Variants in OLFML2A observed in about 807,000 individuals in gnomAD.
The protein encoded by OLFML2A is olfactomedin-like protein 2A.
OLFML2A carries 47 observed loss-of-function variants against 60.9 expected under a neutral mutation model. That is an observed-to-expected ratio of 0.77 (90% CI 0.61 to 0.98). The LOEUF is 0.98. Ranked by LOEUF, OLFML2A falls within the 50% of genes least tolerant of loss-of-function variation. The probability of loss-of-function intolerance (pLI) is 0.00; values close to 1 mark genes in which losing one functional copy is unlikely to be tolerated. For synonymous variants in OLFML2A, 372 were observed against 375.0 expected, an observed-to-expected ratio of 0.99 and a Z score of 0.09; for missense variants, 922 against 879.8, an observed-to-expected ratio of 1.05 and a Z score of -0.61.
At chr9:124,800,461 G>T (rs189680946) in intron 4 of OLFML2A, among the ~76,000 whole-genome samples, 1 of 152,376 alleles carries the variant, frequency 6.6e-6, no homozygotes, top group African/African-American at 2.4e-5. Context: ...ATGGAGAGAG[G>T]TCACATGGAG....
At chr9:124,783,868 G>A (rs1841407372) in intron 1 of OLFML2A, among the ~76,000 whole-genome samples, 1 of 152,184 alleles carries the variant, frequency 6.6e-6, no homozygotes, top group South Asian at 2.1e-4. Flanking sequence ...ACTAATAGGT[G>A]CAGTAAAGAA....
At chr9:124,780,890 C>T (rs1396191517) in intron 1 of OLFML2A, among the ~76,000 whole-genome samples, 1 of 152,204 alleles carries the variant, frequency 6.6e-6, no homozygotes, top group Middle Eastern at 3.2e-3. Flanking sequence ...AACTCCTAAA[C>T]AGAGGGAGCC....
intron 7 of OLFML2A, among the ~76,000 whole-genome samples, chr9:124,808,604 C>T (rs1293958712): frequency 1.3e-5 from 2 of 152,068 alleles, no homozygotes; most frequent in African/African-American, 2.4e-5. Flanking sequence ...TATGGGAACC[C>T]AGCCTAGAGA....
chr9:124,777,327 G>A lies in OLFML2A; in HGVS notation c.57G>A (p.Leu19=). The A allele has an allele frequency of 1.5e-6, 2 of 1,294,964 alleles. No individual in the cohort carries two copies. Among genetic ancestry groups the A allele is most frequent in the Non-Finnish European group, 2.0e-6 (2 of 1,016,278 alleles). 80.2% of individuals were successfully genotyped at this position (1,294,964 alleles called of 1,614,324 possible). Residue 19 remains leucine (L), a synonymous_variant, in exon 1 of 8, where the codon CTG becomes CTA. Coordinates refer to ENST00000373580, the MANE Select transcript of OLFML2A (RefSeq NM_182487.4). This position sits in a 1 kb window ranked among gnomAD's most constrained non-coding sequence, Gnocchi z 6.2. ...TGCTCCTTCTGCCGCTAGTGCTGCTGCTGAGCGGCCGCCCCACGCGCGCCG... is the reference window on the plus strand; with the variant it reads ...TGCTCCTTCTGCCGCTAGTGCTGCTACTGAGCGGCCGCCCCACGCGCGCCG... The part of the protein sequence containing the change: ...RPLLLLPLVL[L]LSGRPTRADS...
rs1248712682 is a variant in OLFML2A, at chr9:124,811,705, C to T, written c.*1293C>T. On this transcript the variant is annotated 3_prime_UTR_variant, in exon 8 of 8. Transcript: ENST00000373580. Reference sequence around the variant, plus strand: ...TTGGGTTGAGGATGCACGGGGGCCACCTTGCCCGGGGCCACTGGTGGCTCC... The same window carrying T: ...TTGGGTTGAGGATGCACGGGGGCCATCTTGCCCGGGGCCACTGGTGGCTCC... The T allele has an allele frequency of 6.6e-6, 1 of 152,242 alleles. No individual in the cohort carries two copies. Among genetic ancestry groups the T allele is most frequent in the East Asian group, 1.9e-4 (1 of 5,192 alleles). 9.4% of individuals were successfully genotyped at this position (152,242 alleles called of 1,614,324 possible).
intron 3 of OLFML2A, among the ~76,000 whole-genome samples, chr9:124,798,488 A>C (rs1841707861): frequency 3.3e-5 from 5 of 151,996 alleles, no homozygotes; most frequent in Admixed American, 3.3e-4. Context: ...ACTGCCCTCC[A>C]AGCTGGGCAA....
chr9:124,784,222 C>G (rs1841415291), intron 1 of OLFML2A, among the ~76,000 whole-genome samples: 1 of 150,566 alleles, frequency 6.6e-6, no homozygotes, highest in Middle Eastern at 3.4e-3. Context: ...TTGTCTGAGA[C>G]AGACAGAGTC....
At chr9:124,795,962 C>T (rs1841662105) in intron 3 of OLFML2A, among the ~76,000 whole-genome samples, 1 of 152,146 alleles carries the variant, frequency 6.6e-6, no homozygotes, top group South Asian at 2.1e-4. Context: ...CAGAGTTGGG[C>T]GAGCATGGGG....
chr9:124,804,261 A>AC lies in OLFML2A; in HGVS notation c.1089dup (p.Thr364HisfsTer33). ...CCCCACTTCAATCCCTGCCACCACC[A>AC]CCACCGCCACCACCACCCCAACCCC... On this transcript the variant is annotated frameshift_variant, in exon 6 of 8. Coordinates refer to ENST00000373580, the MANE Select transcript of OLFML2A (RefSeq NM_182487.4). LOFTEE classifies it high-confidence loss of function. 1 of 1,577,134 alleles carries AC rather than the reference A, an allele frequency of 6.3e-7. No individual in the cohort carries two copies. The highest frequency in any genetic ancestry group is 8.6e-7 in the Non-Finnish European group (1 of 1,156,780).
Position 124,813,844 on chromosome 9 carries a change from C to G in OLFML2A, c.*3432C>G, listed in dbSNP as rs1471029399. 6.6e-6 allele frequency: 1 copy of G among 152,234 alleles called. No homozygotes were observed. The highest frequency in any genetic ancestry group is 2.4e-5 in the African/African-American group (1 of 41,446). The allele number at this position is 152,234 out of a possible 1,614,324, so 9.4% of individuals were successfully genotyped here. On this transcript the variant is annotated 3_prime_UTR_variant, in exon 8 of 8. Coordinates refer to ENST00000373580, the MANE Select transcript of OLFML2A (RefSeq NM_182487.4). ...TTGTGAGCTGTCATGGAAACCTGAT[C>G]CCCAACAGCTTTTGAGGTTGTTTGT...
At chr9:124,798,915 A>T (rs757500480) in intron 3 of OLFML2A, among the ~76,000 whole-genome samples, 1 of 152,184 alleles carries the variant, frequency 6.6e-6, no homozygotes, top group Non-Finnish European at 1.5e-5. Flanking sequence ...ATATGTGTGT[A>T]TGTATACATG....
intron 6 of OLFML2A, among the ~76,000 whole-genome samples, chr9:124,805,856 T>C (rs1214606890): frequency 7.7e-6 from 1 of 129,554 alleles, no homozygotes. Flanking sequence ...GACTCTGCGG[T>C]CCAGGCTGGA....
chr9:124,802,847 G>A (rs1841807039), intron 5 of OLFML2A, among the ~76,000 whole-genome samples: 1 of 152,202 alleles, frequency 6.6e-6, no homozygotes, highest in South Asian at 2.1e-4. Flanking sequence ...CTGACCAGGA[G>A]GTCCCCTGGG....
At chr9:124,803,873 A>G (rs942954685) in intron 5 of OLFML2A, among the ~76,000 whole-genome samples, 6 of 152,228 alleles carry the variant, frequency 3.9e-5, no homozygotes, top group Non-Finnish European at 2.9e-5. Context: ...GCAGGGGGAC[A>G]TGGCTGAGGC....
rs746784403 is a variant in OLFML2A, at chr9:124,804,255, A to G, written c.1081A>G (p.Thr361Ala). 15 of 1,599,720 alleles carry G rather than the reference A, an allele frequency of 9.4e-6. No individual in the cohort carries two copies. In the South Asian group the frequency reaches 1.0e-4, roughly 11 times the overall value. Residue 361 changes from threonine (T) to alanine (A), a missense_variant, in exon 6 of 8, where the codon ACC becomes GCC. Thr to Ala is a moderately conservative substitution (Grantham distance 58). Transcript: ENST00000373580. The stretch of plus-strand genomic sequence containing the variant: ...TGGCACCCCCACTTCAATCCCTGCC[A>G]CCACCACCACCGCCACCACCACCCC... Reference protein sequence around the residue: ...ASGTPTSIPATTTTATTTPTP... With the variant: ...ASGTPTSIPAATTTATTTPTP...
intron 4 of OLFML2A, among the ~76,000 whole-genome samples, chr9:124,800,196 T>C (rs1294922896): frequency 6.6e-6 from 1 of 152,232 alleles, no homozygotes; most frequent in Non-Finnish European, 1.5e-5. Context: ...CTCCTGCCTT[T>C]GCTGGGTATG....
chr9:124,778,690 G>A (rs1430101296), intron 1 of OLFML2A, among the ~76,000 whole-genome samples: 3 of 151,926 alleles, frequency 2.0e-5, no homozygotes, highest in Non-Finnish European at 2.9e-5. Context: ...CCAGCTACTC[G>A]GGAGGCTGAA....
intron 7 of OLFML2A, among the ~76,000 whole-genome samples, chr9:124,809,029 T>A (rs1002692571): frequency 3.4e-5 from 5 of 147,770 alleles, no homozygotes; most frequent in African/African-American, 1.2e-4. Flanking sequence ...TAGCTGGGTG[T>A]GGTGGCAGGC....
Position 124,807,944 on chromosome 9 carries a change from C to T in OLFML2A, c.1332C>T (p.Arg444=), listed in dbSNP as rs758056663. The change falls in exon 7 of 8, where the codon CGC becomes CGT. Residue 444 remains arginine (R), a synonymous_variant. Coordinates refer to ENST00000373580, the MANE Select transcript of OLFML2A (RefSeq NM_182487.4). The stretch of plus-strand genomic sequence containing the variant: ...ATGGAAACAGCCTGGTGGAGTTCCG[C>T]AACCTGGAAAACTTCAAGCAAGGTC... ...YYYGNSLVEF[R]NLENFKQGRW... 3.1e-6 allele frequency: 5 copies of T among 1,613,932 alleles called. No individual in the cohort carries two copies. Among genetic ancestry groups the T allele is most frequent in the Non-Finnish European group, 4.2e-6 (5 of 1,179,920 alleles).
Sources: allele counts gnomAD v4.1 joint callset (sites outside exome capture counted in the v4.1 genomes callset), GRCh38; gene constraint gnomAD v4.1.1; non-coding constraint Gnocchi (gnomAD v3.1); transcripts MANE v1.5; gene names NCBI Gene and HGNC (gene_info 2026-07-23, HGNC 2026-07-21).